ZBTB8A: variants seen among roughly 807,000 people sequenced by gnomAD.
ZBTB8A encodes zinc finger and BTB domain-containing protein 8A.
Under a neutral mutation model 37.8 loss-of-function variants are expected in ZBTB8A, and 19 were observed. The observed-to-expected ratio is 0.50, with a 90% CI of 0.35 to 0.74. The LOEUF (loss-of-function observed/expected upper bound fraction) is 0.74, where lower values mean the gene tolerates loss of function less well. Ranked by LOEUF, ZBTB8A falls within the 30% of genes least tolerant of loss-of-function variation. The pLI, the probability that ZBTB8A is intolerant of heterozygous loss-of-function variation, is 0.01. For synonymous variants in ZBTB8A, 181 were observed against 185.2 expected (o/e 0.98, Z 0.19); for missense variants, 394 against 537.8 (o/e 0.73, Z 2.65).
At chr1:32,539,727 G>GCCTCCC (rs1557697373) in intron 1 of ZBTB8A, among the ~76,000 whole-genome samples, 155 bp downstream of exon 1, 141 of 1,316 alleles carry the variant, frequency 0.11, no homozygotes, top group South Asian at 0.16. Flanking sequence ...CCCGGGCCGG[G>GCCTCCC]AGCGCGGCGG....
intron 4 of ZBTB8A, among the ~76,000 whole-genome samples, chr1:32,598,741 GT>G (rs1487656929): frequency 2.6e-5 from 4 of 152,050 alleles, no homozygotes; most frequent in African/African-American, 9.7e-5. Flanking sequence ...CACTACAACT[GT>G]TTACCAAAGC....
chr1:32,577,086 G>T (rs1644366305), intron 2 of ZBTB8A, among the ~76,000 whole-genome samples: 1 of 148,124 alleles, frequency 6.8e-6, no homozygotes, highest in Non-Finnish European at 1.5e-5. Context: ...TGTTGGCCAG[G>T]CTGGTCTCGA....
intron 2 of ZBTB8A, among the ~76,000 whole-genome samples, chr1:32,562,347 C>G (rs1247135856): frequency 6.6e-6 from 1 of 151,936 alleles, no homozygotes; most frequent in African/African-American, 2.4e-5. Context: ...TCTCAGCTCA[C>G]CACAACCTCC....
chr1:32,540,881 G>A (rs1224649345), intron 1 of ZBTB8A, among the ~76,000 whole-genome samples: 1 of 152,192 alleles, frequency 6.6e-6, no homozygotes, highest in African/African-American at 2.4e-5. Context: ...GATCAAATGG[G>A]TGTCTGGGTG....
chr1:32,546,538 GGA>G (rs1197670878), intron 1 of ZBTB8A, among the ~76,000 whole-genome samples: 3 of 152,120 alleles, frequency 2.0e-5, no homozygotes, highest in African/African-American at 7.2e-5. Flanking sequence ...CACCTATGTG[GGA>G]GACTGAAGCA....
intron 2 of ZBTB8A, among the ~76,000 whole-genome samples, chr1:32,557,863 G>A (rs558443537): frequency 2.6e-5 from 4 of 152,220 alleles, no homozygotes; most frequent in East Asian, 1.9e-4. Flanking sequence ...TTTCCTGAGC[G>A]TATATCCAGA....
At chr1:32,565,562 G>C (rs1644272221) in intron 2 of ZBTB8A, among the ~76,000 whole-genome samples, 1 of 151,546 alleles carries the variant, frequency 6.6e-6, no homozygotes, top group African/African-American at 2.4e-5. Context: ...GCTGAGGTGA[G>C]AGGACCTCTT....
rs181362192 is a variant in ZBTB8A, at chr1:32,549,552, A to G, written c.-83-3907A>G. 1.2e-4 allele frequency among the ~76,000 whole-genome samples: 18 copies of G among 152,012 alleles called. No individual in the cohort carries two copies. In the East Asian group the frequency reaches 2.3e-3, roughly 20 times the overall value. Reference sequence around the variant, plus strand: ...CAGGGAGGGAATCAGGAGGCTGCCAATGACATTGCTAGTGTAATTTAAGGG... The same window carrying G: ...CAGGGAGGGAATCAGGAGGCTGCCAGTGACATTGCTAGTGTAATTTAAGGG... On this transcript the variant is annotated intron_variant, in intron 1 of 4. Coordinates refer to ENST00000373510, the MANE Select transcript of ZBTB8A (RefSeq NM_001040441.3).
At position 32,600,413 on chromosome 1, in the gene ZBTB8A, T is replaced by C; in HGVS notation, c.1320T>C (p.Ile440=). Residue 440 remains isoleucine, a synonymous_variant, in exon 5 of 5, where the codon ATT becomes ATC. Coordinates refer to ENST00000373510, the MANE Select transcript of ZBTB8A (RefSeq NM_001040441.3). ...AAGAAAAAGAAATTAAGCCCAACAT[T>C]AGGTAGCTGTAATGTGAACCAACAG... ...EEEEKEIKPN[I]R 6.2e-7 allele frequency: 1 copy of C among 1,607,528 alleles called. No homozygotes were observed.
Position 32,593,396 on chromosome 1 carries a change from G to T in ZBTB8A, c.465G>T (p.Trp155Cys). The stretch of plus-strand genomic sequence containing the variant: ...GTTCCTCTTTTTATAGTGGTGGCTG[G>T]CAAGAAGGAAGCAGTTCTCCACGTT... ...VERSSFYSGG[W>C]QEGSSSPRSH... Residue 155 changes from tryptophan (W) to cysteine (C), a missense_variant, in exon 3 of 5, where the codon TGG (tryptophan) becomes TGT (cysteine). Around this residue, in one of 4 missense-constraint regions of ZBTB8A, gnomAD observed 171 missense variants for 186.8 expected, o/e 0.92. Transcript: ENST00000373510. The T allele has an allele frequency of 6.2e-7, 1 of 1,613,736 alleles. No homozygotes were observed. Among genetic ancestry groups the T allele is most frequent in the Non-Finnish European group, 8.5e-7 (1 of 1,179,948 alleles).
At chr1:32,596,756 G>C (rs971630527) in intron 4 of ZBTB8A, among the ~76,000 whole-genome samples, 1 of 152,168 alleles carries the variant, frequency 6.6e-6, no homozygotes, top group Non-Finnish European at 1.5e-5. Context: ...AGACCTTGAA[G>C]TGGGGTATAT....
At chr1:32,575,692 TTA>T (rs1491476997) in intron 2 of ZBTB8A, among the ~76,000 whole-genome samples, 1 of 146,912 alleles carries the variant, frequency 6.8e-6, no homozygotes, top group East Asian at 2.0e-4. Context: ...CTGCAAAAAA[TTA>T]AAAAAAAAAA....
At chr1:32,583,937 T>C (rs1380736920) in intron 2 of ZBTB8A, among the ~76,000 whole-genome samples, 1 of 152,014 alleles carries the variant, frequency 6.6e-6, no homozygotes, top group Non-Finnish European at 1.5e-5. Flanking sequence ...AAAGACAGGG[T>C]TTTACCATGT....
intron 2 of ZBTB8A, among the ~76,000 whole-genome samples, chr1:32,563,360 G>C (rs1198037228): frequency 6.6e-6 from 1 of 152,184 alleles, no homozygotes; most frequent in Non-Finnish European, 1.5e-5. Flanking sequence ...TCACACCAAG[G>C]AAAGGGAGTT....
At chr1:32,564,086 G>A (rs188285776) in intron 2 of ZBTB8A, among the ~76,000 whole-genome samples, 398 of 152,284 alleles carry the variant, frequency 2.6e-3, no homozygotes, top group Admixed American at 6.0e-3. Flanking sequence ...CACTGGTCCT[G>A]AGGACATTGC....
rs1644600290 is a variant in ZBTB8A, at chr1:32,604,475, C to A, written c.*4056C>A. 6.6e-6 allele frequency: 1 copy of A among 152,164 alleles called. No homozygotes were observed. Among genetic ancestry groups the A allele is most frequent in the Admixed American group, 6.5e-5 (1 of 15,268 alleles). The allele number at this position is 152,164 out of a possible 1,614,324, so 9.4% of individuals were successfully genotyped here. A position where few individuals can be genotyped will look rare whatever the true frequency, so the allele number is the denominator to read the frequency against. On this transcript the variant is annotated 3_prime_UTR_variant, in exon 5 of 5. Transcript: ENST00000373510. ...AGCCTTGCAGCCTCATTTCGTTACT[C>A]CTGTTACTCACGGTGCTTATAAGCA...
At chr1:32,565,671 AAAAT>A (rs1253229513) in intron 2 of ZBTB8A, among the ~76,000 whole-genome samples, 2 of 152,146 alleles carry the variant, frequency 1.3e-5, no homozygotes, top group African/African-American at 2.4e-5. Context: ...TTTTTAATTA[AAAAT>A]AAATAAATAG....
At chr1:32,592,182 C>A (rs978326022) in intron 2 of ZBTB8A, among the ~76,000 whole-genome samples, 1 of 152,056 alleles carries the variant, frequency 6.6e-6, no homozygotes, top group Non-Finnish European at 1.5e-5. Flanking sequence ...AACCTATTAT[C>A]TTCTGTGTCT....
chr1:32,600,623 G>T lies in ZBTB8A; in HGVS notation c.*204G>T. 1 of 528,478 alleles carries T rather than the reference G, an allele frequency of 1.9e-6. No homozygotes were observed. Among genetic ancestry groups the T allele is most frequent in the Non-Finnish European group, 3.3e-6 (1 of 298,594 alleles). 32.7% of individuals were successfully genotyped at this position (528,478 alleles called of 1,614,324 possible). ...CTAAAATGTGTTGCTGCACTGGAAA[G>T]AAAGAACTAGCTTGAGTTGGCTTGA... is the stretch of plus-strand genomic sequence containing the variant. On this transcript the variant is annotated 3_prime_UTR_variant, in exon 5 of 5. Transcript: ENST00000373510.
Sources: gnomAD v4.1 joint callset for allele counts (sites outside exome capture counted in the v4.1 genomes callset) on GRCh38, gnomAD v4.1.1 for gene constraint, gnomAD v4.1.1 regional missense constraint, MANE v1.5 for transcripts, NCBI Gene and HGNC (gene_info 2026-07-23, HGNC 2026-07-21) for gene names.